The following PIP5K1B variants were observed in gnomAD, a reference collection of about 807,000 sequenced individuals.
PIP5K1B encodes phosphatidylinositol 4-phosphate 5-kinase type-1 beta.
A neutral mutation model predicts 67.0 loss-of-function variants in PIP5K1B; 42 were observed. The observed-to-expected ratio is 0.63, with a 90% confidence interval of 0.49 to 0.81. The LOEUF is 0.81. PIP5K1B is among the 30% of genes least tolerant of loss of function. The pLI, the probability that PIP5K1B is intolerant of heterozygous loss-of-function variation, is 0.00. For synonymous variants in PIP5K1B, 214 were observed against 231.4 expected (o/e 0.92, Z 0.68); for missense variants, 459 against 646.3 (o/e 0.71, Z 3.14).
At chr9:68,833,854 C>G (rs926136082) in intron 4 of PIP5K1B, among the ~76,000 whole-genome samples, 5 of 152,142 alleles carry the variant, frequency 3.3e-5, no homozygotes, top group African/African-American at 1.2e-4. Flanking sequence ...AGGGGGGAAA[C>G]AAGTCTTCCA....
chr9:68,718,867 C>T (rs1021393850), intron 1 of PIP5K1B, among the ~76,000 whole-genome samples: 1 of 152,108 alleles, frequency 6.6e-6, no homozygotes, highest in Non-Finnish European at 1.5e-5. Context: ...CTGTGGCTCT[C>T]AGCAGTGAGC....
chr9:68,871,798 AT>A (rs1243475635), intron 5 of PIP5K1B, among the ~76,000 whole-genome samples: 1 of 152,102 alleles, frequency 6.6e-6, no homozygotes, highest in African/African-American at 2.4e-5. Context: ...TGTTGTCGAA[AT>A]TTTACTGGCC....
At position 69,007,640 on chromosome 9, in the gene PIP5K1B, T is replaced by C. The variant is rs190741114; in HGVS notation, c.1621-807T>C. ...TGGGAGGCCAAGGTGGGCGGATCAC[T>C]AGGTCAGGAGTTCAAGACCATCCTG... On this transcript the variant is annotated intron_variant, in intron 15 of 15. Coordinates refer to ENST00000265382, the MANE Select transcript of PIP5K1B (RefSeq NM_003558.4). 4.8e-3 allele frequency among the ~76,000 whole-genome samples: 727 copies of C among 152,204 alleles called. 5 individuals carry two copies. The highest frequency in any genetic ancestry group is 0.016 in the African/African-American group (659 of 41,536).
At chr9:68,853,948 C>T (rs1357841027) in intron 4 of PIP5K1B, among the ~76,000 whole-genome samples, 1 of 152,090 alleles carries the variant, frequency 6.6e-6, no homozygotes, top group African/African-American at 2.4e-5. Context: ...GCTCCCAAGC[C>T]CCTCCCACTG....
intron 14 of PIP5K1B, among the ~76,000 whole-genome samples, chr9:68,964,706 G>A (rs895750232): frequency 6.6e-6 from 1 of 152,212 alleles, no homozygotes; most frequent in Non-Finnish European, 1.5e-5. Context: ...CCCTGAAAAT[G>A]CTAAGCCTCT....
chr9:68,862,027 A>G (rs374962955), intron 4 of PIP5K1B, among the ~76,000 whole-genome samples: 3 of 152,126 alleles, frequency 2.0e-5, no homozygotes, highest in African/African-American at 7.2e-5. Context: ...ACATTTTTCT[A>G]CCTCCTTAAG....
intron 14 of PIP5K1B, among the ~76,000 whole-genome samples, chr9:68,969,059 C>A (rs751370866): frequency 3.0e-4 from 46 of 152,124 alleles, no homozygotes; most frequent in Middle Eastern, 3.4e-3. Flanking sequence ...TAATACCTAC[C>A]CTGATGGGTT....
chr9:68,814,927 A>G lies in PIP5K1B; in HGVS notation c.-85-3534A>G, dbSNP rs540899717. 2.6e-5 allele frequency among the ~76,000 whole-genome samples: 4 copies of G among 152,288 alleles called. No individual in the cohort carries two copies. The South Asian group carries it at 8.3e-4, about 32-fold the overall frequency. On this transcript the variant is annotated intron_variant, in intron 2 of 15. Transcript: ENST00000265382. ...TATACCCTAAAAACACAGAATCTGC[A>G]TTTTTCTCTTTTGTCTATAGAAGGT...
intron 15 of PIP5K1B, among the ~76,000 whole-genome samples, chr9:68,993,634 G>T (rs1830475868): frequency 6.6e-6 from 1 of 152,108 alleles, no homozygotes; most frequent in Admixed American, 6.5e-5. Context: ...CAAGAAAATG[G>T]GGAATTAAAT....
At chr9:68,916,986 G>A (rs1380372385) in intron 8 of PIP5K1B, among the ~76,000 whole-genome samples, 4 of 152,166 alleles carry the variant, frequency 2.6e-5, no homozygotes, top group Non-Finnish European at 2.9e-5. Flanking sequence ...ATACATTCTA[G>A]CTGTGTCTTC....
chr9:68,900,827 A>ATACTCT (rs1825320373), intron 8 of PIP5K1B, among the ~76,000 whole-genome samples: 1 of 152,244 alleles, frequency 6.6e-6, no homozygotes, highest in Admixed American at 6.5e-5. Flanking sequence ...ACCAGTCTCA[A>ATACTCT]GAATACTGAA....
At chr9:68,933,548 G>A (rs1827109062) in intron 12 of PIP5K1B, among the ~76,000 whole-genome samples, 1 of 151,944 alleles carries the variant, frequency 6.6e-6, no homozygotes, top group Non-Finnish European at 1.5e-5. Context: ...CACCTAGAAA[G>A]CAACTTAAGA....
At chr9:68,990,116 G>A (rs1830293785) in intron 14 of PIP5K1B, among the ~76,000 whole-genome samples, 1 of 152,188 alleles carries the variant, frequency 6.6e-6, no homozygotes, top group South Asian at 2.1e-4. Context: ...TTGGCTTTTG[G>A]TATTGTCGTA....
At chr9:68,958,517 A>C (rs1436197064) in intron 14 of PIP5K1B, among the ~76,000 whole-genome samples, 1 of 152,222 alleles carries the variant, frequency 6.6e-6, no homozygotes, top group Non-Finnish European at 1.5e-5. Flanking sequence ...GGTTTGTGCA[A>C]ATCTTAGAGA....
rs10120881 is a variant in PIP5K1B at position 68,998,171 on chromosome 9, A to G, written c.1620+6914A>G. On this transcript the variant is annotated intron_variant, in intron 15 of 15. Coordinates refer to ENST00000265382, the MANE Select transcript of PIP5K1B (RefSeq NM_003558.4). ...CTGCAACCTCCACCTTCCAGATTCT[A>G]GTGACTCTCCTGCCTCAGCCTCCCA... is the stretch of plus-strand genomic sequence containing the variant. Among the ~76,000 whole-genome samples the G allele has an allele frequency of 7.5e-3, 1,127 of 150,158 alleles. 17 individuals are homozygous for G. The highest frequency in any genetic ancestry group is 0.026 in the African/African-American group (1,073 of 40,664).
At position 68,707,268 on chromosome 9, in the gene PIP5K1B, G is replaced by C. The variant is rs1448838232; in HGVS notation, c.-243+1506G>C. Reference sequence around the variant, plus strand: ...AGAACCACATTACATTTTTGTCCACGTTAAGACTAGAGAGATTTAATAATA... The same window carrying C: ...AGAACCACATTACATTTTTGTCCACCTTAAGACTAGAGAGATTTAATAATA... On this transcript the variant is annotated intron_variant, in intron 1 of 15. Transcript: ENST00000265382. Among the ~76,000 whole-genome samples, 7 of 152,300 alleles carry C rather than the reference G, an allele frequency of 4.6e-5. No homozygotes were observed. In the East Asian group the frequency reaches 1.4e-3, roughly 29 times the overall value.
At chr9:68,817,216 A>C (rs906833937) in intron 2 of PIP5K1B, among the ~76,000 whole-genome samples, 1 of 152,260 alleles carries the variant, frequency 6.6e-6, no homozygotes, top group African/African-American at 2.4e-5. Flanking sequence ...AACACTTTTA[A>C]AGATGGCGAA....
intron 1 of PIP5K1B, among the ~76,000 whole-genome samples, chr9:68,735,411 GT>G (rs2132301256): frequency 8.1e-6 from 1 of 123,472 alleles, no homozygotes; most frequent in East Asian, 2.8e-4. Flanking sequence ...GATTTGTCAT[GT>G]CTACTTAGGC....
intron 11 of PIP5K1B, among the ~76,000 whole-genome samples, chr9:68,923,018 A>T (rs1229339528): frequency 6.6e-6 from 1 of 152,198 alleles, no homozygotes; most frequent in Non-Finnish European, 1.5e-5. Context: ...GTTATGAATA[A>T]GGGCAGCTGT....
Sources: gnomAD v4.1 joint callset for allele counts (sites outside exome capture counted in the v4.1 genomes callset) on GRCh38, gnomAD v4.1.1 for gene constraint, MANE v1.5 for transcripts, NCBI Gene and HGNC (gene_info 2026-07-23, HGNC 2026-07-21) for gene names.